ANO2: variants seen among roughly 807,000 people sequenced by gnomAD.
ANO2 encodes the protein anoctamin 2.
In ANO2, 101 loss-of-function variants were observed where a neutral mutation model predicts 124.2. That is an observed-to-expected ratio of 0.81 (90% CI 0.69 to 0.96). The LOEUF (loss-of-function observed/expected upper bound fraction) is 0.96. ANO2 is among the 40% of genes least tolerant of loss of function. The pLI is 0.00. For synonymous variants in ANO2, 486 were observed against 482.5 expected (o/e 1.01, Z -0.09); for missense variants, 1,293 against 1,274.5 (o/e 1.01, Z -0.22).
intron 14 of ANO2, among the ~76,000 whole-genome samples, chr12:5,682,596 A>G (rs1192593849): frequency 2.0e-5 from 3 of 152,224 alleles, no homozygotes; most frequent in Non-Finnish European, 2.9e-5. Context: ...TCTGCCCCCC[A>G]GCTCAGGTCA....
chr12:5,872,291 C>T (rs1937751112), intron 3 of ANO2, among the ~76,000 whole-genome samples: 1 of 152,180 alleles, frequency 6.6e-6, no homozygotes, highest in Non-Finnish European at 1.5e-5. Flanking sequence ...ATTCAACCCA[C>T]ATCCTTTCCA....
intron 14 of ANO2, among the ~76,000 whole-genome samples, chr12:5,729,433 G>A (rs555733439): frequency 1.3e-5 from 2 of 152,202 alleles, no homozygotes; most frequent in African/African-American, 4.8e-5. Context: ...TAATCATTAG[G>A]GAAATGCAAG....
chr12:5,870,780 A>G (rs1001889276), intron 3 of ANO2, among the ~76,000 whole-genome samples: 8 of 152,214 alleles, frequency 5.3e-5, no homozygotes, highest in Admixed American at 5.2e-4. Flanking sequence ...GAAATGCAGC[A>G]CATCCCAGCT....
In ANO2 at chr12:5,921,198, C is replaced by T. The variant is rs1299653264; in HGVS notation, c.376G>A (p.Val126Ile). ...TCCTTGCCTGTCTCCCCATTGGAGA[C>T]GATAGCCAGCGAGTGGCCAGGGAAG... The part of the protein sequence containing the change: ...QGFPGHSLAI[V>I]SNGETGKEPH... Residue 126 changes from valine (V) to isoleucine (I), a missense_variant, in exon 3 of 25, where the codon GTC becomes ATC. Coordinates refer to ENST00000682330, the MANE Select transcript of ANO2 (RefSeq NM_001364791.2). 8.1e-6 allele frequency: 13 copies of T among 1,613,894 alleles called. No homozygotes were observed. The highest frequency in any genetic ancestry group is 4.5e-5 in the East Asian group (2 of 44,872).
chr12:5,704,466 A>C (rs1949526822), intron 14 of ANO2, among the ~76,000 whole-genome samples: 1 of 152,134 alleles, frequency 6.6e-6, no homozygotes, highest in African/African-American at 2.4e-5. Flanking sequence ...CTGTCATTGG[A>C]AGCTTCTGGT....
chr12:5,628,682 GTGTGT>G (rs1304648247), intron 16 of ANO2, among the ~76,000 whole-genome samples: 3 of 151,834 alleles, frequency 2.0e-5, no homozygotes, highest in Admixed American at 6.6e-5. Context: ...GTGTGTGTGT[GTGTGT>G]GCGCGCGCGC....
chr12:5,831,696 C>A (rs1396933421), intron 5 of ANO2, among the ~76,000 whole-genome samples: 6 of 152,174 alleles, frequency 3.9e-5, no homozygotes, highest in Non-Finnish European at 8.8e-5. Flanking sequence ...AGGAGATGGT[C>A]TCTTATGGAC....
At chr12:5,715,464 C>G (rs1318624967) in intron 14 of ANO2, among the ~76,000 whole-genome samples, 1 of 152,160 alleles carries the variant, frequency 6.6e-6, no homozygotes, top group Non-Finnish European at 1.5e-5. Flanking sequence ...ACAAGTAACC[C>G]ACCCATTCCC....
rs1456209451 is a variant in ANO2 at position 5,880,382 on chromosome 12, A to G, written c.535-26241T>C. Reference sequence around the variant, plus strand: ...ATAGTAACTTAGGCCACATAAATGTATGAAATTGCCCAGAAAAGTGTGTGT... The same window carrying G: ...ATAGTAACTTAGGCCACATAAATGTGTGAAATTGCCCAGAAAAGTGTGTGT... On this transcript the variant is annotated intron_variant, in intron 3 of 24. Coordinates refer to ENST00000682330, the MANE Select transcript of ANO2 (RefSeq NM_001364791.2). Among the ~76,000 whole-genome samples, 3 of 151,194 alleles carry G rather than the reference A, an allele frequency of 2.0e-5. No homozygotes were observed. In the South Asian group the frequency reaches 6.2e-4, roughly 31 times the overall value.
At chr12:5,645,138 C>T (rs554586638) in intron 15 of ANO2, among the ~76,000 whole-genome samples, 74 of 151,928 alleles carry the variant, frequency 4.9e-4, no homozygotes, top group Admixed American at 3.3e-3. Flanking sequence ...CTTATATCTC[C>T]CTCATTACCT....
intron 1 of ANO2, among the ~76,000 whole-genome samples, chr12:5,931,453 A>C (rs1942379293): frequency 2.0e-5 from 3 of 152,120 alleles, no homozygotes; most frequent in Admixed American, 1.3e-4. Context: ...CCTTCCATCA[A>C]GCCCTGGGTA....
intron 23 of ANO2, among the ~76,000 whole-genome samples, chr12:5,574,764 A>G (rs1157574286): frequency 1.3e-5 from 2 of 152,148 alleles, no homozygotes; most frequent in African/African-American, 2.4e-5. Context: ...GAACAGATCA[A>G]TTTCTCTAAA....
chr12:5,918,006 C>T (rs574015123), intron 3 of ANO2, among the ~76,000 whole-genome samples: 33 of 152,324 alleles, frequency 2.2e-4, no homozygotes, highest in African/African-American at 7.9e-4. Context: ...TGAGCACAGA[C>T]ATACTGCTTC....
intron 15 of ANO2, among the ~76,000 whole-genome samples, chr12:5,646,418 A>G (rs916450838): frequency 6.6e-6 from 1 of 152,164 alleles, no homozygotes. Flanking sequence ...ACTACTGGAG[A>G]TAGAAGTTTA....
At chr12:5,723,479 C>T (rs1950319193) in intron 14 of ANO2, among the ~76,000 whole-genome samples, 1 of 152,120 alleles carries the variant, frequency 6.6e-6, no homozygotes, top group African/African-American at 2.4e-5. Context: ...CCATACATTT[C>T]CTTGCTACAT....
intron 4 of ANO2, among the ~76,000 whole-genome samples, chr12:5,848,100 A>G (rs550033371): frequency 5.9e-5 from 9 of 152,204 alleles, no homozygotes; most frequent in Non-Finnish European, 1.0e-4. Flanking sequence ...AGTGCAAACA[A>G]TGGTCACATG....
chr12:5,645,460 C>T (rs1441931462), intron 15 of ANO2, among the ~76,000 whole-genome samples: 1 of 151,894 alleles, frequency 6.6e-6, no homozygotes, highest in Admixed American at 6.6e-5. Flanking sequence ...CATATATATA[C>T]ACATATATAC....
In ANO2 at chr12:5,567,165, C is replaced by G. The variant is rs546471930; in HGVS notation, c.2622-1502G>C. On this transcript the variant is annotated intron_variant, in intron 23 of 24. Transcript: ENST00000682330. ...GGAGCTACCCTCTCCCTGCCCGACT[C>G]CCCCTCTCCCAACAGCTGATCACAG... is the stretch of plus-strand genomic sequence containing the variant. Among the ~76,000 whole-genome samples the G allele has an allele frequency of 3.3e-5, 5 of 152,328 alleles. No individual in the cohort carries two copies. The South Asian group carries it at 8.3e-4, about 25-fold the overall frequency.
At chr12:5,639,592 C>T (rs574591991) in intron 15 of ANO2, among the ~76,000 whole-genome samples, 25 of 152,048 alleles carry the variant, frequency 1.6e-4, no homozygotes, top group Non-Finnish European at 2.6e-4. Flanking sequence ...GAGAAAGTGA[C>T]CTTTTACCAA....
Sources: gnomAD v4.1 joint callset for allele counts (sites outside exome capture counted in the v4.1 genomes callset) on GRCh38, gnomAD v4.1.1 for gene constraint, MANE v1.5 for transcripts, NCBI Gene and HGNC (gene_info 2026-07-23, HGNC 2026-07-21) for gene names.